ASTN2: variants seen among roughly 807,000 people sequenced by gnomAD.
The protein encoded by ASTN2 is astrotactin-2.
In ASTN2, 54 loss-of-function variants were observed where a neutral mutation model predicts 139.8. That is an observed-to-expected ratio of 0.39 (90% confidence interval 0.31 to 0.48). ASTN2 has a LOEUF of 0.48. ASTN2 is among the 20% of genes least tolerant of loss of function. ASTN2 has a pLI of 0.95. For synonymous variants in ASTN2, 756 were observed against 719.5 expected (o/e 1.05, Z -0.81); for missense variants, 1,565 against 1,725.1 (o/e 0.91, Z 1.64).
chr9:117,188,178 G>C (rs968531870), intron 3 of ASTN2, among the ~76,000 whole-genome samples: 2 of 135,682 alleles, frequency 1.5e-5, no homozygotes, highest in African/African-American at 5.5e-5. Context: ...GAGAGAGAGA[G>C]AGAGAGAGAG....
Position 117,039,928 on chromosome 9 carries a change from T to C in ASTN2, c.1314A>G (p.Thr438=), listed in dbSNP as rs762329993. 5 of 1,613,718 alleles carry C rather than the reference T, an allele frequency of 3.1e-6. No homozygotes were observed. The highest frequency in any genetic ancestry group is 4.2e-6 in the Non-Finnish European group (5 of 1,179,782). The change falls in exon 6 of 23, where the codon ACA becomes ACG. Residue 438 remains threonine (T), a synonymous_variant. Coordinates refer to ENST00000313400, the MANE Select transcript of ASTN2 (RefSeq NM_001365068.1). ...GGATGCAGGAACTCACAGCAATCAG[T>C]GTCAGGGCTGTCTTGTTCACTGGGC... ...LKSPVNKTAL[T]LIAVSSCILA... is the part of the protein sequence containing the mutation.
At chr9:116,701,272 A>G (rs1407071370) in intron 16 of ASTN2, 1 of 167,082 alleles carries the variant, frequency 6.0e-6, no homozygotes, top group Non-Finnish European at 1.5e-5. Context: ...AGGATAGGTA[A>G]AGAGGTCATT....
chr9:117,389,510 G>A (rs1266435113), intron 1 of ASTN2, among the ~76,000 whole-genome samples: 1 of 152,186 alleles, frequency 6.6e-6, no homozygotes, highest in African/African-American at 2.4e-5. Context: ...TCTGTGGTCT[G>A]TAGCCCTTTT....
chr9:116,562,733 TAAAAAAAA>T (rs35878476), intron 19 of ASTN2, among the ~76,000 whole-genome samples: 3 of 64,466 alleles, frequency 4.7e-5, no homozygotes, highest in Admixed American at 2.3e-4. Flanking sequence ...ACTGCCTCAT[TAAAAAAAA>T]AAAAAAAAAA....
At chr9:116,749,556 T>A (rs1163736614) in intron 13 of ASTN2, among the ~76,000 whole-genome samples, 2 of 152,202 alleles carry the variant, frequency 1.3e-5, no homozygotes, top group African/African-American at 4.8e-5. Context: ...ATAAGTTGAA[T>A]ATCTCTCTTC....
chr9:116,698,565 C>T lies in ASTN2; in HGVS notation c.2806+27206G>A, dbSNP rs555915611. 5 of 1,614,010 alleles carry T rather than the reference C, an allele frequency of 3.1e-6. No individual in the cohort carries two copies. In the African/African-American group the frequency reaches 6.7e-5, roughly 22 times the overall value. ...TGCCAGCTTGCCTCGGGAGCTCACC[C>T]TGCAAGATGTGGAGCTCCTTAAGGT... On this transcript the variant is annotated intron_variant, in intron 16 of 22. Transcript: ENST00000313400. This position sits in a 1 kb window ranked among gnomAD's most constrained non-coding sequence, Gnocchi z 4.4.
chr9:116,915,185 G>A (rs2132426583), intron 10 of ASTN2, among the ~76,000 whole-genome samples: 1 of 152,278 alleles, frequency 6.6e-6, no homozygotes, highest in South Asian at 2.1e-4. Flanking sequence ...AAATATCTGG[G>A]CTGATATCTT....
intron 1 of ASTN2, among the ~76,000 whole-genome samples, chr9:117,374,848 G>C (rs1176426998): frequency 1.3e-5 from 2 of 152,144 alleles, no homozygotes. Flanking sequence ...AAATAATCCA[G>C]GTTGACCAGA....
intron 2 of ASTN2, among the ~76,000 whole-genome samples, chr9:117,263,795 A>G (rs1833879635): frequency 6.6e-6 from 1 of 152,218 alleles, no homozygotes; most frequent in Non-Finnish European, 1.5e-5. Flanking sequence ...AGATAACACT[A>G]CAACTGAGCA....
intron 17 of ASTN2, among the ~76,000 whole-genome samples, chr9:116,622,426 A>C (rs1313958235): frequency 6.6e-6 from 1 of 152,258 alleles, no homozygotes; most frequent in African/African-American, 2.4e-5. Context: ...GCTAATGTTC[A>C]TGAAAAACAC....
At chr9:116,497,488 T>A (rs571724301) in intron 19 of ASTN2, among the ~76,000 whole-genome samples, 1 of 152,290 alleles carries the variant, frequency 6.6e-6, no homozygotes, top group East Asian at 1.9e-4. Flanking sequence ...TGCTTTTACG[T>A]GCAGCCAACC....
intron 10 of ASTN2, among the ~76,000 whole-genome samples, chr9:116,904,129 G>A (rs796346910): frequency 7.9e-5 from 12 of 152,304 alleles, no homozygotes; most frequent in African/African-American, 2.9e-4. Context: ...TCATTCAACT[G>A]CACATGGGTG....
intron 1 of ASTN2, among the ~76,000 whole-genome samples, chr9:117,323,932 G>T (rs1018508494): frequency 6.6e-6 from 1 of 152,152 alleles, no homozygotes; most frequent in Non-Finnish European, 1.5e-5. Context: ...TTTACTGAGT[G>T]CCCAAATATC....
intron 12 of ASTN2, among the ~76,000 whole-genome samples, chr9:116,819,369 A>C (rs1480351383): frequency 6.6e-6 from 1 of 152,156 alleles, no homozygotes; most frequent in Non-Finnish European, 1.5e-5. Context: ...TCAGGTCTGC[A>C]TACCCTAATT....
intron 11 of ASTN2, among the ~76,000 whole-genome samples, chr9:116,831,602 G>A (rs1021377039): frequency 3.9e-5 from 6 of 152,052 alleles, no homozygotes; most frequent in Admixed American, 6.6e-5. Context: ...TTATTTTGTA[G>A]AGTAAAAAAA....
At chr9:117,337,603 A>G (rs2130859324) in intron 1 of ASTN2, among the ~76,000 whole-genome samples, 1 of 152,324 alleles carries the variant, frequency 6.6e-6, no homozygotes, top group South Asian at 2.1e-4. Context: ...ATAACTCTTA[A>G]GTGTATTCTG....
In ASTN2 at chr9:117,222,631, C is replaced by T. The variant is rs1832564057; in HGVS notation, c.631-7889G>A. 2.0e-5 allele frequency among the ~76,000 whole-genome samples: 3 copies of T among 152,266 alleles called. No individual in the cohort carries two copies. The South Asian group carries it at 6.2e-4, about 32-fold the overall frequency. ...ATGATGCCCTCATTCTTATTCCTCA[C>T]CCTTATGTCTACACATCCAAATACC... On this transcript the variant is annotated intron_variant, in intron 2 of 22. Coordinates refer to ENST00000313400, the MANE Select transcript of ASTN2 (RefSeq NM_001365068.1).
intron 19 of ASTN2, among the ~76,000 whole-genome samples, chr9:116,608,616 AC>A (rs1247209152): frequency 6.6e-6 from 1 of 152,230 alleles, no homozygotes; most frequent in African/African-American, 2.4e-5. Context: ...AAGAGTTTGA[AC>A]AAAAGAGTTT....
At chr9:116,741,255 A>G (rs553922760) in intron 13 of ASTN2, among the ~76,000 whole-genome samples, 4 of 152,204 alleles carry the variant, frequency 2.6e-5, no homozygotes, top group African/African-American at 9.6e-5. Context: ...AAATTGAGGT[A>G]TTCCAGGAAG....
Sources: gnomAD v4.1 joint callset for allele counts (sites outside exome capture counted in the v4.1 genomes callset) on GRCh38, gnomAD v4.1.1 for gene constraint, Gnocchi (gnomAD v3.1) non-coding constraint, MANE v1.5 for transcripts, NCBI Gene and HGNC (gene_info 2026-07-23, HGNC 2026-07-21) for gene names.